FGF6: variants seen among roughly 807,000 people sequenced by gnomAD.
FGF6 encodes the protein FGF-6.
FGF6 carries 14 observed loss-of-function variants against 18.4 expected under a neutral mutation model. The ratio of observed to expected loss-of-function variants is 0.76; its 90% confidence interval spans 0.50 to 1.19. The LOEUF is 1.19. Among genes scored for constraint, FGF6 ranks in the 50% most tolerant of loss-of-function variants. The pLI is 0.00. For missense variants in FGF6, 266 were observed against 271.6 expected, an observed-to-expected ratio of 0.98 and a Z score of 0.15; for synonymous variants, 125 against 116.7, an observed-to-expected ratio of 1.07 and a Z score of -0.46.
At chr12:4,434,445 C>T (rs1865605541) in intron 2 of FGF6, 54 bp from the exon 3 acceptor site, 1 of 1,581,028 alleles carries the variant, frequency 6.3e-7, no homozygotes, top group Non-Finnish European at 8.7e-7. Context: ...AGGAGTGCTG[C>T]AGATGCCAGC....
At chr12:4,439,243 C>A (rs568265693) in intron 2 of FGF6, among the ~76,000 whole-genome samples, 6 of 152,264 alleles carry the variant, frequency 3.9e-5, no homozygotes, top group African/African-American at 1.4e-4. Flanking sequence ...CTGGTGGTCT[C>A]CTTCTTGTTG....
rs573341579 is a variant in FGF6, at chr12:4,445,130, G to A, written c.346+95C>T. 9 of 1,059,552 alleles carry A rather than the reference G, an allele frequency of 8.5e-6. No individual in the cohort carries two copies. Among genetic ancestry groups the A allele is most frequent in the East Asian group, 7.8e-5 (3 of 38,634 alleles). 65.6% of individuals were successfully genotyped at this position (1,059,552 alleles called of 1,614,324 possible). ...GAGCAGCATTTCTGCCCCCTTTATC[G>A]TGCATCCTGTCCGCTAGAGCAGGGC... is the stretch of plus-strand genomic sequence containing the variant. On this transcript the variant is annotated intron_variant, in intron 1 of 2. Transcript: ENST00000228837. This position sits in a 1 kb window ranked among gnomAD's most constrained non-coding sequence, Gnocchi z 5.5.
chr12:4,439,625 G>T (rs1030787359), intron 2 of FGF6, among the ~76,000 whole-genome samples: 2 of 151,266 alleles, frequency 1.3e-5, no homozygotes, highest in Admixed American at 1.3e-4. Context: ...TTCGATTTTG[G>T]ATCATTCAAA....
chr12:4,443,596 A>G (rs1243987493), intron 2 of FGF6, among the ~76,000 whole-genome samples: 1 of 152,164 alleles, frequency 6.6e-6, no homozygotes, highest in Non-Finnish European at 1.5e-5. Flanking sequence ...AAAGTGTATA[A>G]CGGGTAGGCT....
At chr12:4,437,453 C>T (rs954339932) in intron 2 of FGF6, among the ~76,000 whole-genome samples, 2 of 152,186 alleles carry the variant, frequency 1.3e-5, no homozygotes. Context: ...TGAACCAAGA[C>T]CCCTCATTAG....
chr12:4,445,563 A>G lies in FGF6; in HGVS notation c.8T>C (p.Leu3Pro). The change falls in exon 1 of 3, where the codon CTG (leucine) becomes CCG (proline). Residue 3 changes from leucine to proline, a missense_variant. Physicochemically the swap from Leu to Pro is moderately conservative, Grantham distance 98. Coordinates refer to ENST00000228837, the MANE Select transcript of FGF6 (RefSeq NM_020996.3). This position sits in a 1 kb window ranked among gnomAD's most constrained non-coding sequence, Gnocchi z 5.5. ...CATAGTGATGAACAGTTTCTGTCCC[A>G]GGGCCATCCACCTTGCCTCTCAGGC... MA[L>P]GQKLFITMSR... The G allele has an allele frequency of 6.3e-7, 1 of 1,584,868 alleles. No homozygotes were observed. The highest frequency in any genetic ancestry group is 8.6e-7 in the Non-Finnish European group (1 of 1,163,284).
chr12:4,435,813 A>G (rs961303156), intron 2 of FGF6, among the ~76,000 whole-genome samples: 3 of 151,796 alleles, frequency 2.0e-5, no homozygotes, highest in African/African-American at 7.3e-5. Context: ...CCAGTACATC[A>G]CCCCAAGTCC....
At chr12:4,443,036 G>A (rs1379563614) in intron 2 of FGF6, among the ~76,000 whole-genome samples, 2 of 152,224 alleles carry the variant, frequency 1.3e-5, no homozygotes, top group African/African-American at 4.8e-5. Flanking sequence ...GATGCAAACT[G>A]TCCACAGACC....
At position 4,441,038 on chromosome 12, in the gene FGF6, C is replaced by T. The variant is rs17177270; in HGVS notation, c.450+3095G>A. Reference sequence around the variant, plus strand: ...ACTGTTGACGAAAAGCATGTAAATGCGGCTCTTCTTAGTAAAACTGAAATC... The same window carrying T: ...ACTGTTGACGAAAAGCATGTAAATGTGGCTCTTCTTAGTAAAACTGAAATC... On this transcript the variant is annotated intron_variant, in intron 2 of 2. Coordinates refer to ENST00000228837, the MANE Select transcript of FGF6 (RefSeq NM_020996.3). 3.5e-3 allele frequency among the ~76,000 whole-genome samples: 538 copies of T among 152,354 alleles called. 4 individuals carry two copies. Among genetic ancestry groups the T allele is most frequent in the African/African-American group, 0.012 (512 of 41,586 alleles).
intron 2 of FGF6, among the ~76,000 whole-genome samples, chr12:4,442,366 C>T (rs967745495): frequency 2.0e-5 from 3 of 152,130 alleles, no homozygotes; most frequent in African/African-American, 7.2e-5. Flanking sequence ...CCAGCTTCTC[C>T]TTCCAGGGCC....
At chr12:4,434,488 G>A in intron 2 of FGF6, 97 bp from the exon 3 acceptor site, 1 of 1,147,358 alleles carries the variant, frequency 8.7e-7, no homozygotes, top group Middle Eastern at 2.8e-4. Flanking sequence ...TCTGCCAGGT[G>A]CCCTTCCCTT....
Position 4,445,195 on chromosome 12 carries a change from G to A in FGF6, c.346+30C>T, listed in dbSNP as rs745571832. 5.6e-5 allele frequency: 88 copies of A among 1,566,654 alleles called. No individual in the cohort carries two copies. Among genetic ancestry groups the A allele is most frequent in the Non-Finnish European group, 7.5e-5 (87 of 1,153,162 alleles). On this transcript the variant is annotated intron_variant, in intron 1 of 2. Transcript: ENST00000228837. This position sits in a 1 kb window ranked among gnomAD's most constrained non-coding sequence, Gnocchi z 5.5. ...GCCCTGCATGAGCCCAAACCCCCAA[G>A]CGTCCCGACTGGCTGCAGCTGGCAC... is the stretch of plus-strand genomic sequence containing the variant.
chr12:4,439,378 T>C (rs964415218), intron 2 of FGF6, among the ~76,000 whole-genome samples: 10 of 151,882 alleles, frequency 6.6e-5, no homozygotes, highest in African/African-American at 2.2e-4. Flanking sequence ...AAGGGAGAGG[T>C]TTCGTGTGTT....
At chr12:4,434,444 G>A (rs965160632) in intron 2 of FGF6, 53 bp from the exon 3 acceptor site, 180 of 1,580,566 alleles carry the variant, frequency 1.1e-4, no homozygotes, top group East Asian at 3.6e-4. Context: ...GAGGAGTGCT[G>A]CAGATGCCAG....
intron 2 of FGF6, 68 bp downstream of exon 2, chr12:4,444,065 T>C (rs1024837849): frequency 2.0e-6 from 2 of 1,017,088 alleles, no homozygotes; most frequent in African/African-American, 1.6e-5. Context: ...GGACTTCATA[T>C]TATTTTCTTC....
rs1280083578 is a variant in FGF6, at chr12:4,445,108, C to T, written c.346+117G>A. 9 of 870,200 alleles carry T rather than the reference C, an allele frequency of 1.0e-5. No homozygotes were observed. Among genetic ancestry groups the T allele is most frequent in the East Asian group, 8.0e-5 (3 of 37,692 alleles). 53.9% of individuals were successfully genotyped at this position (870,200 alleles called of 1,614,324 possible). On this transcript the variant is annotated intron_variant, in intron 1 of 2. Coordinates refer to ENST00000228837, the MANE Select transcript of FGF6 (RefSeq NM_020996.3). This position sits in a 1 kb window ranked among gnomAD's most constrained non-coding sequence, Gnocchi z 5.5. ...CACGTGGAATCATCTAAGTGGTGAG[C>T]AGCATTTCTGCCCCCTTTATCGTGC...
chr12:4,440,365 A>G (rs1182623198), intron 2 of FGF6, among the ~76,000 whole-genome samples: 1 of 152,162 alleles, frequency 6.6e-6, no homozygotes, highest in Non-Finnish European at 1.5e-5. Context: ...ACTTGGACCA[A>G]CGAGGATCTA....
At chr12:4,441,649 G>A (rs961289105) in intron 2 of FGF6, among the ~76,000 whole-genome samples, 25 of 152,030 alleles carry the variant, frequency 1.6e-4, no homozygotes, top group African/African-American at 4.6e-4. Flanking sequence ...CCCACGAGTC[G>A]TTGCCTTGTC....
Position 4,445,316 on chromosome 12 carries a change from C to T in FGF6, c.255G>A (p.Gln85=), listed in dbSNP as rs551025010. The change falls in exon 1 of 3, where the codon CAG becomes CAA. Residue 85 remains glutamine, a synonymous_variant. Transcript: ENST00000228837. The surrounding 1 kb of genome is among the most constrained non-coding windows in gnomAD (Gnocchi z 5.5). ...ESGYLVGIKR[Q]RRLYCNVGIG... is the part of the protein sequence containing the mutation. ...TGCCCACGTTGCAGTAGAGCCTCCG[C>T]TGCCGCTTGATCCCCACCAAATAGC... 28 of 1,614,126 alleles carry T rather than the reference C, an allele frequency of 1.7e-5. 1 individual carries two copies. The South Asian group carries it at 2.9e-4, about 16-fold the overall frequency.
Sources: gnomAD v4.1 joint callset for allele counts (sites outside exome capture counted in the v4.1 genomes callset) on GRCh38, gnomAD v4.1.1 for gene constraint, Gnocchi (gnomAD v3.1) non-coding constraint, MANE v1.5 for transcripts, NCBI Gene and HGNC (gene_info 2026-07-23, HGNC 2026-07-21) for gene names.